MIGA1: variants seen among roughly 807,000 people sequenced by gnomAD.
The protein encoded by MIGA1 is mitoguardin 1, also known as family with sequence similarity 73, member A.
In MIGA1, 58 loss-of-function variants were observed where a neutral mutation model predicts 82.0. The observed-to-expected ratio is 0.71, with a 90% confidence interval of 0.57 to 0.88. The LOEUF is 0.88. Ranked by LOEUF, MIGA1 falls within the 40% of genes least tolerant of loss-of-function variation. MIGA1 has a pLI of 0.00. For missense variants in MIGA1, 751 were observed against 749.1 expected, an observed-to-expected ratio of 1.00 and a Z score of -0.03; for synonymous variants, 249 against 253.6, an observed-to-expected ratio of 0.98 and a Z score of 0.17.
intron 11 of MIGA1, 56 bp downstream of exon 11, chr1:77,860,182 T>C: frequency 2.4e-6 from 3 of 1,265,254 alleles, no homozygotes; most frequent in Non-Finnish European, 3.4e-6. Flanking sequence ...TTTTTACCCT[T>C]TGAACTGAAG....
At chr1:77,849,290 G>A (rs1339487550) in intron 8 of MIGA1, among the ~76,000 whole-genome samples, 1 of 152,072 alleles carries the variant, frequency 6.6e-6, no homozygotes, top group Non-Finnish European at 1.5e-5. Context: ...CCAGCTGTTC[G>A]AGAGGCTGAG....
At chr1:77,838,301 A>C (rs1398473108) in intron 7 of MIGA1, among the ~76,000 whole-genome samples, 1 of 152,080 alleles carries the variant, frequency 6.6e-6, no homozygotes, top group Non-Finnish European at 1.5e-5. Flanking sequence ...AACTGTCCTG[A>C]TGCTCAGGCT....
At chr1:77,832,221 T>C (rs1684269249) in intron 7 of MIGA1, among the ~76,000 whole-genome samples, 1 of 152,260 alleles carries the variant, frequency 6.6e-6, no homozygotes, top group African/African-American at 2.4e-5. Context: ...AAAGCATTGC[T>C]TCACATATTT....
intron 1 of MIGA1, among the ~76,000 whole-genome samples, chr1:77,781,672 T>G (rs968699719): frequency 2.0e-5 from 3 of 152,204 alleles, no homozygotes; most frequent in African/African-American, 7.2e-5. Flanking sequence ...TATCACAGGT[T>G]GTTGACTGAA....
chr1:77,801,269 G>T, intron 2 of MIGA1, 62 bp from the exon 3 acceptor site: 1 of 1,220,116 alleles, frequency 8.2e-7, no homozygotes, highest in South Asian at 1.6e-5. Flanking sequence ...TAGTTATTAG[G>T]TCCTTCTTTT....
At chr1:77,840,565 A>AGGAGGC (rs941101958) in intron 7 of MIGA1, among the ~76,000 whole-genome samples, 21 of 152,108 alleles carry the variant, frequency 1.4e-4, no homozygotes, top group South Asian at 4.1e-4. Context: ...CCAGTACTTT[A>AGGAGGC]GGAGGCGGAG....
At chr1:77,811,529 C>A in intron 5 of MIGA1, 1 of 1,597,772 alleles carries the variant, frequency 6.3e-7, no homozygotes, top group Non-Finnish European at 8.6e-7. Context: ...AGTTTAAATT[C>A]TTCTTGAGAC....
At chr1:77,805,649 C>T (rs1185934756) in intron 4 of MIGA1, among the ~76,000 whole-genome samples, 6 of 151,672 alleles carry the variant, frequency 4.0e-5, no homozygotes, top group Non-Finnish European at 8.8e-5. Flanking sequence ...CCTGCCTCAG[C>T]CTCCCGAGTA....
intron 8 of MIGA1, among the ~76,000 whole-genome samples, chr1:77,856,516 T>A (rs1270538647): frequency 1.3e-5 from 2 of 152,180 alleles, no homozygotes; most frequent in South Asian, 2.1e-4. Flanking sequence ...CACTTTTTTT[T>A]AATCGGTAAT....
At chr1:77,869,581 C>G (rs1175934743) in intron 14 of MIGA1, among the ~76,000 whole-genome samples, 2 of 142,154 alleles carry the variant, frequency 1.4e-5, no homozygotes, top group Non-Finnish European at 1.5e-5. Context: ...GCTGACCCCC[C>G]CACCACCCTC....
intron 8 of MIGA1, 37 bp downstream of exon 8, chr1:77,843,444 C>CT: frequency 6.6e-7 from 1 of 1,512,908 alleles, no homozygotes. Flanking sequence ...ATTTCTGTTT[C>CT]TTTTTTGGTG....
intron 7 of MIGA1, among the ~76,000 whole-genome samples, chr1:77,829,161 T>G (rs1040314111): frequency 6.6e-6 from 1 of 152,104 alleles, no homozygotes; most frequent in African/African-American, 2.4e-5. Flanking sequence ...GGCTCATGCA[T>G]GTAATCCCAG....
intron 2 of MIGA1, among the ~76,000 whole-genome samples, chr1:77,786,421 A>G (rs1250674288): frequency 6.6e-6 from 1 of 152,244 alleles, no homozygotes; most frequent in Non-Finnish European, 1.5e-5. Flanking sequence ...AACTTCTCAG[A>G]AAATGGAATT....
intron 1 of MIGA1, among the ~76,000 whole-genome samples, chr1:77,780,775 T>TGTTTATTTTTCTTTAGTTTTTC (rs1681870840): frequency 6.6e-6 from 1 of 152,110 alleles, no homozygotes; most frequent in Non-Finnish European, 1.5e-5. Context: ...ACTAGTTTTT[T>TGTTTATTTTTCTTTAGTTTTTC]GTTTTTTTTT....
rs146989905 is a variant in MIGA1 at position 77,851,726 on chromosome 1, C to T, written c.997-7212C>T. On this transcript the variant is annotated intron_variant, in intron 8 of 15. Transcript: ENST00000370791. ...TCTTATTTTAGGAGGCTTCTTTAAA[C>T]GATTACTTAAACCAAACCAACAAAT... Among the ~76,000 whole-genome samples, 131 of 152,180 alleles carry T rather than the reference C, an allele frequency of 8.6e-4. 1 individual carries two copies. Among genetic ancestry groups the T allele is most frequent in the African/African-American group, 2.9e-3 (121 of 41,522 alleles).
chr1:77,873,498 C>T (rs1452152346), intron 15 of MIGA1, among the ~76,000 whole-genome samples: 1 of 152,126 alleles, frequency 6.6e-6, no homozygotes, highest in Non-Finnish European at 1.5e-5. Context: ...ACAATATCCA[C>T]CTTTATTGCA....
intron 12 of MIGA1, among the ~76,000 whole-genome samples, chr1:77,863,291 C>T (rs1018304594): frequency 9.2e-5 from 14 of 152,264 alleles, no homozygotes; most frequent in Admixed American, 3.9e-4. Context: ...TTATATTTCC[C>T]GATTCCCTGC....
At chr1:77,842,343 G>T (rs1005322439) in intron 7 of MIGA1, among the ~76,000 whole-genome samples, 1 of 152,168 alleles carries the variant, frequency 6.6e-6, no homozygotes, top group Non-Finnish European at 1.5e-5. Context: ...ATTGCTAACA[G>T]CCTGTCTTGA....
intron 7 of MIGA1, among the ~76,000 whole-genome samples, chr1:77,842,695 G>C (rs557787828): frequency 6.6e-6 from 1 of 152,104 alleles, no homozygotes; most frequent in African/African-American, 2.4e-5. Flanking sequence ...CTACAGGTGC[G>C]CACCTGGCTA....
Sources: allele counts gnomAD v4.1 joint callset (sites outside exome capture counted in the v4.1 genomes callset), GRCh38; gene constraint gnomAD v4.1.1; transcripts MANE v1.5; gene names NCBI Gene and HGNC (gene_info 2026-07-23, HGNC 2026-07-21).